The following LGMN variants were observed in gnomAD, a reference collection of about 807,000 sequenced individuals.
LGMN encodes legumain.
LGMN carries 36 observed loss-of-function variants against 56.8 expected under a neutral mutation model. The ratio of observed to expected loss-of-function variants is 0.63; its 90% CI spans 0.49 to 0.84. The LOEUF (loss-of-function observed/expected upper bound fraction) is 0.84, where lower values mean the gene tolerates loss of function less well. Among genes scored for constraint, LGMN ranks in the 40% least tolerant of loss-of-function variants. The pLI is 0.00. For synonymous variants in LGMN, 199 were observed against 210.1 expected (o/e 0.95, Z 0.46); for missense variants, 446 against 556.1 (o/e 0.80, Z 1.99).
chr14:92,724,569 T>C (rs866053633), intron 2 of LGMN, among the ~76,000 whole-genome samples: 18 of 152,222 alleles, frequency 1.2e-4, no homozygotes, highest in African/African-American at 4.3e-4. Context: ...ACCTATACTG[T>C]ATTTTCCCCG....
At chr14:92,727,335 C>T (rs1431664709) in intron 2 of LGMN, among the ~76,000 whole-genome samples, 4 of 148,058 alleles carry the variant, frequency 2.7e-5, no homozygotes, top group Non-Finnish European at 5.9e-5. Flanking sequence ...GAGGCTGAGG[C>T]ACGAGAATTG....
At chr14:92,742,302 T>C (rs1566938112) in intron 1 of LGMN, among the ~76,000 whole-genome samples, 1 of 105,778 alleles carries the variant, frequency 9.5e-6, no homozygotes, top group African/African-American at 4.7e-5. Flanking sequence ...CTTTTTTTTT[T>C]TTTCTTTTTT....
chr14:92,723,338 T>TGC (rs1566927221), intron 2 of LGMN, among the ~76,000 whole-genome samples: 6 of 151,904 alleles, frequency 3.9e-5, no homozygotes, highest in African/African-American at 1.5e-4. Flanking sequence ...AGCCACCACA[T>TGC]CTGTCCTGCA....
At chr14:92,719,778 G>A (rs899374612) in intron 2 of LGMN, among the ~76,000 whole-genome samples, 16 of 152,324 alleles carry the variant, frequency 1.1e-4, no homozygotes, top group African/African-American at 2.4e-4. Flanking sequence ...ACAGGCTTGC[G>A]TCCTTATCTC....
At chr14:92,719,156 CTG>C (rs1566923587) in intron 2 of LGMN, among the ~76,000 whole-genome samples, 23 of 79,774 alleles carry the variant, frequency 2.9e-4, no homozygotes, top group East Asian at 1.9e-3. Flanking sequence ...ACCACCGCCA[CTG>C]CCACCACCAC....
rs1890298905 is a variant in LGMN at position 92,719,278 on chromosome 14, A to ACTG, written c.139-435_139-434insCAG. Among the ~76,000 whole-genome samples, 10 of 55,216 alleles carry ACTG rather than the reference A, an allele frequency of 1.8e-4. No individual in the cohort carries two copies. In the East Asian group the frequency reaches 7.0e-3, roughly 38 times the overall value. 36.2% of individuals were successfully genotyped at this position (55,216 alleles called of 152,430 possible). A position where few individuals can be genotyped will look rare whatever the true frequency, so the allele number is the denominator to read the frequency against. On this transcript the variant is annotated intron_variant, in intron 2 of 13. Coordinates refer to ENST00000334869, the MANE Select transcript of LGMN (RefSeq NM_005606.7). ...CACCACCGCCACCGCCGCCGCCGCCACCGCCGCCGCCGCCGCCGCCGCCAC... is the reference window on the plus strand; with the variant it reads ...CACCACCGCCACCGCCGCCGCCGCCACTGCCGCCGCCGCCGCCGCCGCCGCCAC...
rs750593314 is a variant in LGMN, at chr14:92,711,914, C to T, written c.652G>A (p.Ala218Thr). The T allele has an allele frequency of 5.0e-6, 8 of 1,613,994 alleles. No individual in the cohort carries two copies. The highest frequency in any genetic ancestry group is 1.3e-5 in the African/African-American group (1 of 74,922). ...GACCTCTTCTCATCATAGTAACAGG[C>T]GTAGGACGACTCTCTGGGGTTGGCA... ...TAANPRESSYACYYDEKRSTY... is the reference protein window; with the variant it reads ...TAANPRESSYTCYYDEKRSTY... The change falls in exon 9 of 14, where the codon GCC (alanine) becomes ACC (threonine). Residue 218 changes from alanine to threonine, a missense_variant. Coordinates refer to ENST00000334869, the MANE Select transcript of LGMN (RefSeq NM_005606.7).
intron 2 of LGMN, among the ~76,000 whole-genome samples, chr14:92,730,933 C>CAA (rs111868362): frequency 1.7e-5 from 2 of 114,772 alleles, no homozygotes; most frequent in Admixed American, 9.0e-5. Context: ...CTGTCTCAAC[C>CAA]AAAAAAAAAA....
intron 11 of LGMN, among the ~76,000 whole-genome samples, chr14:92,708,856 CAAAAAAAAAAAA>C (rs58813848): frequency 1.4e-5 from 1 of 71,650 alleles, no homozygotes; most frequent in Admixed American, 1.9e-4. Flanking sequence ...ACTCTTGTCT[CAAAAAAAAAAAA>C]AAAAAAAAAA....
At chr14:92,722,743 T>G (rs1249811441) in intron 2 of LGMN, among the ~76,000 whole-genome samples, 1 of 152,284 alleles carries the variant, frequency 6.6e-6, no homozygotes, top group Non-Finnish European at 1.5e-5. Context: ...CTGAAACATC[T>G]AAAGCACTCC....
intron 2 of LGMN, among the ~76,000 whole-genome samples, chr14:92,719,302 ACCGCCGCCACCG>A (rs1890310478): frequency 1.2e-4 from 5 of 43,246 alleles, no homozygotes; most frequent in East Asian, 5.2e-4. Context: ...CGCCGCCGCC[ACCGCCGCCACCG>A]CCGCCGCCGC....
chr14:92,746,587 G>A (rs1479036613), intron 1 of LGMN, among the ~76,000 whole-genome samples: 1 of 152,160 alleles, frequency 6.6e-6, no homozygotes, highest in East Asian at 1.9e-4. Flanking sequence ...CGTATCCTTA[G>A]TGTGGCCTTT....
chr14:92,711,019 GA>G (rs1852778851), intron 10 of LGMN, among the ~76,000 whole-genome samples: 2 of 152,196 alleles, frequency 1.3e-5, no homozygotes, highest in African/African-American at 4.8e-5. Context: ...CTTCTTGGGG[GA>G]TGGTGAACAA....
chr14:92,744,218 C>T (rs1048902860), intron 1 of LGMN, among the ~76,000 whole-genome samples: 2 of 151,616 alleles, frequency 1.3e-5, no homozygotes, highest in Non-Finnish European at 2.9e-5. Flanking sequence ...TTGTTTTTTC[C>T]TACAGAGAAA....
At position 92,711,956 on chromosome 14, in the gene LGMN, C is replaced by A; in HGVS notation, c.611-1G>T. The stretch of plus-strand genomic sequence containing the variant: ...GGGTTGGCAGCAGTAGTTGCATAAA[C>A]TACGAGGAATTAAAGATGATCTTTT... On this transcript the variant is annotated splice_acceptor_variant, in intron 8 of 13. Coordinates refer to ENST00000334869, the MANE Select transcript of LGMN (RefSeq NM_005606.7). LOFTEE classifies it high-confidence loss of function. 1.3e-6 allele frequency: 2 copies of A among 1,599,816 alleles called. No individual in the cohort carries two copies.
At chr14:92,739,646 AGGGAGGGAGTCCCACTAGGAGT>A (rs1313666281) in intron 1 of LGMN, among the ~76,000 whole-genome samples, 1 of 152,168 alleles carries the variant, frequency 6.6e-6, no homozygotes, top group East Asian at 1.9e-4. Flanking sequence ...AAGGCAGGAG[AGGGAGGGAGTCCCACTAGGAGT>A]GGGAGGTGTC....
chr14:92,735,239 C>T (rs1004164742), intron 1 of LGMN, among the ~76,000 whole-genome samples: 1 of 152,060 alleles, frequency 6.6e-6, no homozygotes, highest in Non-Finnish European at 1.5e-5. Flanking sequence ...CGGTGTCTTG[C>T]TCTGTGGCTC....
At chr14:92,734,022 T>C (rs116649884) in intron 1 of LGMN, among the ~76,000 whole-genome samples, 2,208 of 152,316 alleles carry the variant, frequency 0.014, 59 homozygotes, top group African/African-American at 0.05. Context: ...AAAAATTCAG[T>C]ATAGGTTTAA....
In LGMN at chr14:92,716,031, C is replaced by G. The variant is rs1890055295; in HGVS notation, c.404+105G>C. 6.7e-6 allele frequency: 5 copies of G among 749,274 alleles called. No individual in the cohort carries two copies. In the East Asian group the frequency reaches 1.4e-4, roughly 21 times the overall value. The allele number at this position is 749,274 out of a possible 1,614,324, so 46.4% of individuals were successfully genotyped here. A position where few individuals can be genotyped will look rare whatever the true frequency, so the allele number is the denominator to read the frequency against. ...AACAAAACTCTCCACTCTGTAATTT[C>G]TCACAGGTAAACAGGCTAGGGGCAC... On this transcript the variant is annotated intron_variant, in intron 5 of 13. Transcript: ENST00000334869.
Sources: gnomAD v4.1 joint callset for allele counts (sites outside exome capture counted in the v4.1 genomes callset) on GRCh38, gnomAD v4.1.1 for gene constraint, MANE v1.5 for transcripts, NCBI Gene and HGNC (gene_info 2026-07-23, HGNC 2026-07-21) for gene names.